Variants in APBA1 observed in about 807,000 individuals in gnomAD.
The protein encoded by APBA1 is amyloid-beta A4 precursor protein-binding family A member 1.
A neutral mutation model predicts 86.6 loss-of-function variants in APBA1; 55 were observed. That is an observed-to-expected ratio of 0.64 (90% CI 0.51 to 0.80). The LOEUF (loss-of-function observed/expected upper bound fraction) is 0.80. Ranked by LOEUF, APBA1 falls within the 30% of genes least tolerant of loss-of-function variation. The pLI, the probability that APBA1 is intolerant of heterozygous loss-of-function variation, is 0.00. For missense variants in APBA1, 1,090 were observed against 1,183.0 expected, an observed-to-expected ratio of 0.92 and a Z score of 1.15; for synonymous variants, 511 against 493.9, an observed-to-expected ratio of 1.03 and a Z score of -0.46.
At chr9:69,656,865 G>A (rs1436074613) in intron 1 of APBA1, among the ~76,000 whole-genome samples, 1 of 140,248 alleles carries the variant, frequency 7.1e-6, no homozygotes, top group African/African-American at 2.6e-5. Flanking sequence ...TTGAGACGGA[G>A]TCTCGCTCTG....
intron 1 of APBA1, among the ~76,000 whole-genome samples, chr9:69,620,625 C>T (rs1257185686): frequency 3.3e-5 from 5 of 152,038 alleles, no homozygotes; most frequent in South Asian, 2.1e-4. Flanking sequence ...TGCAGTGAGC[C>T]GAGATCGTAC....
chr9:69,448,440 G>C (rs2133804699), intron 10 of APBA1, among the ~76,000 whole-genome samples: 1 of 152,260 alleles, frequency 6.6e-6, no homozygotes, highest in East Asian at 1.9e-4. Flanking sequence ...TTAAGTATAA[G>C]ATATAAGAAA....
At chr9:69,432,875 G>A (rs1588278481) in intron 11 of APBA1, among the ~76,000 whole-genome samples, 199 bp from the exon 12 acceptor site, 2 of 152,126 alleles carry the variant, frequency 1.3e-5, no homozygotes, top group Admixed American at 6.6e-5. Context: ...TTGTTCATGC[G>A]GCTTGCACAG....
chr9:69,526,082 T>C (rs11139112), intron 1 of APBA1, among the ~76,000 whole-genome samples: 2 of 152,170 alleles, frequency 1.3e-5, no homozygotes, highest in East Asian at 3.9e-4. Flanking sequence ...TGAAGATAAA[T>C]GTAAAATACC....
At chr9:69,576,301 G>A (rs1821795101) in intron 1 of APBA1, among the ~76,000 whole-genome samples, 1 of 152,172 alleles carries the variant, frequency 6.6e-6, no homozygotes. Flanking sequence ...TCAGTGTGGC[G>A]ATTCCTCAGG....
intron 1 of APBA1, among the ~76,000 whole-genome samples, chr9:69,630,736 T>C (rs1654516870): frequency 2.0e-5 from 3 of 152,198 alleles, no homozygotes; most frequent in Admixed American, 2.0e-4. Context: ...CCTCATTTTC[T>C]CCTGTATCTG....
At chr9:69,669,781 C>G (rs528844607) in intron 1 of APBA1, among the ~76,000 whole-genome samples, 18 of 152,124 alleles carry the variant, frequency 1.2e-4, no homozygotes, top group Admixed American at 3.9e-4. Context: ...CTCAAAAAGA[C>G]AAATAAAAAT....
At chr9:69,620,311 A>G (rs1003335098) in intron 1 of APBA1, among the ~76,000 whole-genome samples, 2 of 152,352 alleles carry the variant, frequency 1.3e-5, no homozygotes, top group South Asian at 2.1e-4. Context: ...TATAAGGTAC[A>G]CACTAAGCTA....
intron 4 of APBA1, among the ~76,000 whole-genome samples, 157 bp from the exon 5 acceptor site, chr9:69,468,125 C>T (rs1297830932): frequency 6.6e-6 from 1 of 152,196 alleles, no homozygotes. Context: ...TATCTGCACC[C>T]ACACCTCATT....
rs188215743 is a variant in APBA1, at chr9:69,588,722, T to C, written c.-69-71443A>G. On this transcript the variant is annotated intron_variant, in intron 1 of 12. Coordinates refer to ENST00000265381, the MANE Select transcript of APBA1 (RefSeq NM_001163.4). ...CACGATTATGGCAACTAATATTAAC[T>C]GAGTACGTATCATATGGCAGGCATT... Among the ~76,000 whole-genome samples, 10 of 152,300 alleles carry C rather than the reference T, an allele frequency of 6.6e-5. No homozygotes were observed. In the East Asian group the frequency reaches 1.9e-3, roughly 29 times the overall value.
intron 1 of APBA1, among the ~76,000 whole-genome samples, chr9:69,610,187 G>T (rs1216229518): frequency 6.6e-6 from 1 of 152,106 alleles, no homozygotes; most frequent in East Asian, 1.9e-4. Flanking sequence ...AAGTGTGGTG[G>T]TCCATGCCTA....
chr9:69,574,971 G>A (rs1821757326), intron 1 of APBA1, among the ~76,000 whole-genome samples: 1 of 152,096 alleles, frequency 6.6e-6, no homozygotes, highest in South Asian at 2.1e-4. Context: ...CTGGAGTGCA[G>A]TGGTGCAATC....
In APBA1 at chr9:69,658,346, C is replaced by CT. The variant is rs745352225; in HGVS notation, c.-70+13806dup. ...TCTTTCTTTCTTTCTTTCTTTCTTT[C>CT]TTTCTTTCTTTCTGTGTTTCTCTGT... is the stretch of plus-strand genomic sequence containing the variant. On this transcript the variant is annotated intron_variant, in intron 1 of 12. Coordinates refer to ENST00000265381, the MANE Select transcript of APBA1 (RefSeq NM_001163.4). Among the ~76,000 whole-genome samples, 240 of 139,778 alleles carry CT rather than the reference C, an allele frequency of 1.7e-3. 2 individuals are homozygous for CT. Among genetic ancestry groups the CT allele is most frequent in the Non-Finnish European group, 3.0e-3 (195 of 64,428 alleles). 91.7% of individuals were successfully genotyped at this position (139,778 alleles called of 152,430 possible). A position where few individuals can be genotyped will look rare whatever the true frequency, so the allele number is the denominator to read the frequency against.
At chr9:69,576,294 G>A (rs1821794844) in intron 1 of APBA1, among the ~76,000 whole-genome samples, 1 of 152,216 alleles carries the variant, frequency 6.6e-6, no homozygotes, top group Non-Finnish European at 1.5e-5. Context: ...GTGGAAGTCA[G>A]TGTGGCGATT....
At chr9:69,588,734 A>G (rs1588380513) in intron 1 of APBA1, among the ~76,000 whole-genome samples, 2 of 152,344 alleles carry the variant, frequency 1.3e-5, no homozygotes, top group South Asian at 4.1e-4. Flanking sequence ...AGTACGTATC[A>G]TATGGCAGGC....
intron 2 of APBA1, among the ~76,000 whole-genome samples, chr9:69,490,798 A>G (rs901119100): frequency 1.1e-4 from 17 of 152,152 alleles, no homozygotes; most frequent in Admixed American, 9.2e-4. Context: ...GGCAAAGGAT[A>G]TGAACAGACA....
At chr9:69,585,918 C>T (rs1044670427) in intron 1 of APBA1, among the ~76,000 whole-genome samples, 14 of 152,194 alleles carry the variant, frequency 9.2e-5, no homozygotes, top group African/African-American at 2.2e-4. Flanking sequence ...GTGGGCTCTG[C>T]GACCTGCTGG....
At chr9:69,591,454 C>G (rs973052230) in intron 1 of APBA1, among the ~76,000 whole-genome samples, 1 of 152,216 alleles carries the variant, frequency 6.6e-6, no homozygotes, top group African/African-American at 2.4e-5. Context: ...CTTCTGAATG[C>G]TCAACATAGA....
intron 2 of APBA1, 103 bp from the exon 3 acceptor site, chr9:69,476,246 G>A (rs913828759): frequency 2.4e-5 from 18 of 757,694 alleles, no homozygotes; most frequent in Admixed American, 1.5e-4. Context: ...GAACACAATC[G>A]AACAGACACT....
Sources: gnomAD v4.1 joint callset for allele counts (sites outside exome capture counted in the v4.1 genomes callset) on GRCh38, gnomAD v4.1.1 for gene constraint, MANE v1.5 for transcripts, NCBI Gene and HGNC (gene_info 2026-07-23, HGNC 2026-07-21) for gene names.